LOC128462377: variants seen among roughly 807,000 people sequenced by gnomAD.
the LOC128462377 span, among the ~76,000 whole-genome samples, chr16:89,328,276 G>T: frequency 2.0e-5 from 3 of 152,184 alleles, no homozygotes; most frequent in African/African-American, 7.2e-5. Flanking sequence ...CTGCTCTGGA[G>T]AACAGCAAGG....
At chr16:89,393,946 G>C in the LOC128462377 span, among the ~76,000 whole-genome samples, 1 of 152,214 alleles carries the variant, frequency 6.6e-6, no homozygotes, top group African/African-American at 2.4e-5. Flanking sequence ...TAGTTTACTT[G>C]TGAGGGCTAC....
the LOC128462377 span, among the ~76,000 whole-genome samples, chr16:89,332,796 C>A: frequency 6.6e-6 from 1 of 152,222 alleles, no homozygotes; most frequent in Non-Finnish European, 1.5e-5. Flanking sequence ...AGGAGGTTAT[C>A]CTGGTACAAC....
chr16:89,407,827 G>C, the LOC128462377 span, among the ~76,000 whole-genome samples: 101 of 139,070 alleles, frequency 7.3e-4, 1 homozygote, highest in Middle Eastern at 4.5e-3. Context: ...TCCCACCTGA[G>C]TGAGAGTCAG....
At chr16:89,357,109 G>C in the LOC128462377 span, among the ~76,000 whole-genome samples, 5 of 152,360 alleles carry the variant, frequency 3.3e-5, no homozygotes, top group South Asian at 4.1e-4. Context: ...TGAGTCTGTA[G>C]GAGGGACAGT....
At chr16:89,342,895 G>T in the LOC128462377 span, among the ~76,000 whole-genome samples, 7 of 152,224 alleles carry the variant, frequency 4.6e-5, no homozygotes, top group Non-Finnish European at 7.3e-5. Context: ...GGACGGAGGT[G>T]AATGAAAAGA....
At chr16:89,352,134 G>A in the LOC128462377 span, among the ~76,000 whole-genome samples, 2 of 152,004 alleles carry the variant, frequency 1.3e-5, no homozygotes, top group Admixed American at 6.5e-5. Context: ...CAAGTGATCC[G>A]CCTGCCTCAG....
chr16:89,331,827 T>C, the LOC128462377 span, among the ~76,000 whole-genome samples: 2 of 152,198 alleles, frequency 1.3e-5, no homozygotes, highest in African/African-American at 4.8e-5. Flanking sequence ...GATACGGTGA[T>C]GGTTTTGAAT....
At chr16:89,390,831 C>A in the LOC128462377 span, among the ~76,000 whole-genome samples, 1 of 152,186 alleles carries the variant, frequency 6.6e-6, no homozygotes, top group Middle Eastern at 3.2e-3. Flanking sequence ...TCCCCACATG[C>A]CCTGCCCTCC....
chr16:89,327,170 CCAT>C, the LOC128462377 span, among the ~76,000 whole-genome samples: 1 of 152,170 alleles, frequency 6.6e-6, no homozygotes, highest in Non-Finnish European at 1.5e-5. Context: ...GCTGGCTCAA[CCAT>C]CAATCAGTCA....
the LOC128462377 span, among the ~76,000 whole-genome samples, chr16:89,328,646 G>A: frequency 3.4e-5 from 5 of 146,492 alleles, no homozygotes; most frequent in African/African-American, 5.1e-5. Flanking sequence ...GAGCACGGGC[G>A]AAATCAGCGG....
At chr16:89,365,662 A>G in the LOC128462377 span, among the ~76,000 whole-genome samples, 1 of 152,170 alleles carries the variant, frequency 6.6e-6, no homozygotes, top group Non-Finnish European at 1.5e-5. Context: ...CTTTTACCGC[A>G]ATTCTTCCTG....
chr16:89,368,499 C>T, the LOC128462377 span, among the ~76,000 whole-genome samples: 1 of 147,162 alleles, frequency 6.8e-6, no homozygotes, highest in South Asian at 2.2e-4. Context: ...GGATTACAGG[C>T]ATGAGCCACC....
At chr16:89,322,805 C>A in the LOC128462377 span, among the ~76,000 whole-genome samples, 1 of 152,266 alleles carries the variant, frequency 6.6e-6, no homozygotes. Context: ...CTGCAGCACA[C>A]GGCCATGCTC....
chr16:89,349,202 A>G, the LOC128462377 span, among the ~76,000 whole-genome samples: 13 of 147,684 alleles, frequency 8.8e-5, no homozygotes, highest in Admixed American at 2.8e-4. Flanking sequence ...GGTGTTAGCA[A>G]AAGAATCGAT....
the LOC128462377 span, chr16:89,339,948 C>T: frequency 2.0e-5 from 3 of 152,226 alleles, no homozygotes; most frequent in African/African-American, 7.2e-5. Context: ...TACCTTTTCC[C>T]TTCAAGTTGT....
the LOC128462377 span, among the ~76,000 whole-genome samples, chr16:89,388,421 C>G: frequency 6.6e-6 from 1 of 150,790 alleles, no homozygotes; most frequent in East Asian, 2.0e-4. Context: ...TGAGCCACCA[C>G]GCCCAGCCTC....
At chr16:89,376,198 T>A in the LOC128462377 span, among the ~76,000 whole-genome samples, 1 of 152,306 alleles carries the variant, frequency 6.6e-6, no homozygotes, top group African/African-American at 2.4e-5. Context: ...CAAATACCAA[T>A]AGACTCTAGT....
At chr16:89,391,206 C>A in the LOC128462377 span, among the ~76,000 whole-genome samples, 1 of 137,172 alleles carries the variant, frequency 7.3e-6, no homozygotes, top group Non-Finnish European at 1.5e-5. Context: ...CCAGCCTGGG[C>A]GACAGAGCGA....
the LOC128462377 span, among the ~76,000 whole-genome samples, chr16:89,328,145 G>A: frequency 3.0e-5 from 3 of 98,502 alleles, no homozygotes; most frequent in Admixed American, 1.0e-4. Flanking sequence ...ACTTAAAGCC[G>A]CAATGAGATA....
Sources: allele counts gnomAD v4.1 joint callset (sites outside exome capture counted in the v4.1 genomes callset), GRCh38; gene constraint gnomAD v4.1.1; transcripts MANE v1.5.